RAB37: variants seen among roughly 807,000 people sequenced by gnomAD.
The protein encoded by RAB37 is ras-related protein Rab-37.
A neutral mutation model predicts 33.1 loss-of-function variants in RAB37; 29 were observed. That is an observed-to-expected ratio of 0.88 (90% CI 0.65 to 1.20). RAB37 has a LOEUF of 1.20. RAB37 is among the 50% of genes most tolerant of loss of function. RAB37 has a pLI of 0.00. For synonymous variants in RAB37, 128 were observed against 119.5 expected (o/e 1.07, Z -0.47); for missense variants, 299 against 301.1 (o/e 0.99, Z 0.05).
Position 74,745,260 on chromosome 17 carries a change from C to CCCCAG in RAB37, c.567-21_567-17dup, listed in dbSNP as rs372786583. ...GGGGAGGGGGCGGCTCAGCTCCTCA[C>CCCCAG]CCCAGCCCAGCCCAGCCCAGCCCAG... On this transcript the variant is annotated intron_variant, in intron 8 of 8. Transcript: ENST00000392613. This position sits in a 1 kb window ranked among gnomAD's most constrained non-coding sequence, Gnocchi z 4.5. 944 of 1,583,844 alleles carry CCCCAG rather than the reference C, an allele frequency of 6.0e-4. 2 individuals carry two copies. The African/African-American group carries it at 7.6e-3, about 13-fold the overall frequency.
intron 1 of RAB37, among the ~76,000 whole-genome samples, chr17:74,722,731 C>T (rs1352999274): frequency 6.6e-6 from 1 of 152,132 alleles, no homozygotes; most frequent in East Asian, 1.9e-4. Flanking sequence ...GGGATATTAC[C>T]ATATGTCATA....
upstream of RAB37, among the ~76,000 whole-genome samples, chr17:74,735,018 G>GAAGGAAGAAAGAAAGAAAGAAAGAAAGA (rs1207905817): frequency 4.9e-4 from 40 of 82,304 alleles, no homozygotes; most frequent in African/African-American, 3.1e-3. Flanking sequence ...AGGAAGGAAG[G>GAAGGAAGAAAGAAAGAAAGAAAGAAAGA]AAGAAAGAAA....
chr17:74,738,152 G>A lies in RAB37; in HGVS notation c.93+787G>A, dbSNP rs2034524339. ...ACCAGAAACTGAAAGAACTGCTGAG[G>A]GAGCCTAGAGCTTCCACTCTTCCTC... On this transcript the variant is annotated intron_variant, in intron 1 of 8. Transcript: ENST00000392613. This position sits in a 1 kb window ranked among gnomAD's most constrained non-coding sequence, Gnocchi z 5.0. 1.3e-5 allele frequency among the ~76,000 whole-genome samples: 2 copies of A among 152,144 alleles called. No individual in the cohort carries two copies. The highest frequency in any genetic ancestry group is 4.1e-4 in the South Asian group (2 of 4,824).
chr17:74,675,305 T>C (rs139545758), intron 1 of RAB37, among the ~76,000 whole-genome samples: 2 of 151,700 alleles, frequency 1.3e-5, no homozygotes, highest in African/African-American at 2.4e-5. Context: ...GGTGGTGGCA[T>C]GCACCTGCAG....
At chr17:74,724,703 C>T (rs1353121241) in intron 1 of RAB37, among the ~76,000 whole-genome samples, 1 of 152,176 alleles carries the variant, frequency 6.6e-6, no homozygotes, top group Non-Finnish European at 1.5e-5. Flanking sequence ...TCACAAAGTA[C>T]ATTCTCAAGG....
intron 2 of RAB37, among the ~76,000 whole-genome samples, chr17:74,741,162 G>A (rs1339132475): frequency 6.6e-6 from 1 of 152,108 alleles, no homozygotes; most frequent in Non-Finnish European, 1.5e-5. Flanking sequence ...CCGCAGGCAC[G>A]GCATAAGCTG....
chr17:74,737,298 C>A lies in RAB37; in HGVS notation c.26C>A (p.Ala9Asp). The A allele has an allele frequency of 1.3e-6, 2 of 1,575,260 alleles. No individual in the cohort carries two copies. The highest frequency in any genetic ancestry group is 1.7e-6 in the Non-Finnish European group (2 of 1,167,852). The stretch of plus-strand genomic sequence containing the variant: ...ATGACGGGCACGCCAGGCGCCGTTG[C>A]CACCCGGGATGGCGAGGCCCCCGAG... MTGTPGAV[A>D]TRDGEAPERS... Residue 9 changes from alanine (A) to aspartate (D), a missense_variant, in exon 1 of 9, where the codon GCC becomes GAC. Transcript: ENST00000392613.
chr17:74,740,148 C>T (rs1219154835), intron 1 of RAB37, among the ~76,000 whole-genome samples: 8 of 150,048 alleles, frequency 5.3e-5, no homozygotes, highest in Non-Finnish European at 8.9e-5. Flanking sequence ...AAGAGCAAAA[C>T]TCCATCTCAA....
At chr17:74,674,351 C>A (rs2031775054) in intron 1 of RAB37, among the ~76,000 whole-genome samples, 1 of 150,026 alleles carries the variant, frequency 6.7e-6, no homozygotes, top group African/African-American at 2.4e-5. Flanking sequence ...AAAGTGCTGG[C>A]ATTATATGTA....
intron 1 of RAB37, chr17:74,703,105 A>G (rs778098380): frequency 6.2e-7 from 1 of 1,613,906 alleles, no homozygotes; most frequent in South Asian, 1.1e-5. Context: ...GGTGCTGTAA[A>G]CGTAGTGGAG....
rs2034699071 is a variant in RAB37 at position 74,744,405 on chromosome 17, C to T, written c.432+32C>T. On this transcript the variant is annotated intron_variant, in intron 6 of 8. Transcript: ENST00000392613. This position sits in a 1 kb window ranked among gnomAD's most constrained non-coding sequence, Gnocchi z 4.2. ...GGCTCCGGGGCAGGGTCAGCCCAGC[C>T]CTGCACTTCCTCAGCCCTAGCCGGC... 1.9e-6 allele frequency: 3 copies of T among 1,606,906 alleles called. No homozygotes were observed. The highest frequency in any genetic ancestry group is 2.6e-6 in the Non-Finnish European group (3 of 1,173,590).
intron 1 of RAB37, among the ~76,000 whole-genome samples, chr17:74,717,672 T>G (rs1240423573): frequency 6.6e-6 from 1 of 151,246 alleles, no homozygotes; most frequent in East Asian, 2.0e-4. Context: ...ATTAGCCAGA[T>G]GTGGTGCATG....
chr17:74,695,367 T>C, intron 1 of RAB37: 1 of 1,260,070 alleles, frequency 7.9e-7, no homozygotes, highest in Non-Finnish European at 1.1e-6. Flanking sequence ...CTAATCCCAC[T>C]CAAGCCCTCC....
At chr17:74,687,179 T>G (rs2032070752) in intron 1 of RAB37, among the ~76,000 whole-genome samples, 1 of 152,054 alleles carries the variant, frequency 6.6e-6, no homozygotes, top group African/African-American at 2.4e-5. Context: ...CCTTTTCTTT[T>G]TATTTATTCA....
chr17:74,737,137 AG>A (rs1041753131), upstream of RAB37: 2 of 1,379,272 alleles, frequency 1.5e-6, no homozygotes, highest in East Asian at 3.7e-5. Flanking sequence ...GGTGTCGTCG[AG>A]GGGGCGACGG....
intron 1 of RAB37, among the ~76,000 whole-genome samples, chr17:74,728,784 T>G (rs769743411): frequency 1.7e-4 from 25 of 150,704 alleles, no homozygotes; most frequent in Non-Finnish European, 2.9e-4. Context: ...TGTTTCTGTG[T>G]CATGTGTGTT....
chr17:74,712,602 TG>T lies in RAB37; in HGVS notation c.73-16649del, dbSNP rs370275587. Among the ~76,000 whole-genome samples, 111 of 152,322 alleles carry T rather than the reference TG, an allele frequency of 7.3e-4. 1 individual carries two copies. The East Asian group carries it at 0.021, about 29-fold the overall frequency. ...CTGTCCATTTCACATGATCAGCCCCTGGGGGTCAGGAATTCTGCCTTGCACT... is the reference window on the plus strand; with the variant it reads ...CTGTCCATTTCACATGATCAGCCCCTGGGGTCAGGAATTCTGCCTTGCACT... On this transcript the variant is annotated intron_variant, in intron 1 of 7. Coordinates refer to the RAB37 transcript ENST00000340415.
In RAB37 at chr17:74,713,970, G is replaced by A. The variant is rs144241546; in HGVS notation, c.73-15286G>A. ...CATGCCTGTAATCCCAACACTTTGG[G>A]AGGCCAAGGTAGGCAGATCACTCCA... On this transcript the variant is annotated intron_variant, in intron 1 of 7. Transcript: ENST00000340415. Among the ~76,000 whole-genome samples, 278 of 151,054 alleles carry A rather than the reference G, an allele frequency of 1.8e-3. 14 individuals are homozygous for A. The East Asian group carries it at 0.043, about 23-fold the overall frequency.
chr17:74,705,509 T>A (rs907227319), intron 1 of RAB37: 2 of 469,196 alleles, frequency 4.3e-6, no homozygotes, highest in African/African-American at 3.9e-5. Context: ...CAATCCTACA[T>A]TCTCCTGATT....
Sources: allele counts gnomAD v4.1 joint callset (sites outside exome capture counted in the v4.1 genomes callset), GRCh38; gene constraint gnomAD v4.1.1; non-coding constraint Gnocchi (gnomAD v3.1); transcripts MANE v1.5; gene names NCBI Gene and HGNC (gene_info 2026-07-23, HGNC 2026-07-21).